Variants in FRY observed in about 807,000 individuals in gnomAD.
The protein encoded by FRY is FRY microtubule binding protein, also known as protein furry homolog.
Under a neutral mutation model 348.4 loss-of-function variants are expected in FRY, and 128 were observed. The observed-to-expected ratio is 0.37, with a 90% CI of 0.32 to 0.43. FRY has a LOEUF of 0.43. FRY is among the 20% of genes least tolerant of loss of function. FRY has a pLI of 1.00. For synonymous variants in FRY, 1,370 were observed against 1,374.7 expected, an observed-to-expected ratio of 1.00 and a Z score of 0.08; for missense variants, 2,736 against 3,695.2, an observed-to-expected ratio of 0.74 and a Z score of 6.73.
chr13:32,230,976 A>G (rs1281988689), intron 40 of FRY, among the ~76,000 whole-genome samples: 1 of 152,028 alleles, frequency 6.6e-6, no homozygotes, highest in Non-Finnish European at 1.5e-5. Flanking sequence ...GTGTCTGTTC[A>G]TGTCCTTTGC....
At chr13:32,038,510 C>T (rs1872631739) in intron 1 of FRY, 3 of 152,190 alleles carry the variant, frequency 2.0e-5, no homozygotes, top group Admixed American at 6.5e-5. Flanking sequence ...TTCCTGGAAA[C>T]GCGAATGGCA....
At position 32,294,352 on chromosome 13, in the gene FRY, A is replaced by AT. The variant is rs201272942; in HGVS notation, c.8581-7dup. On this transcript the variant is annotated splice_polypyrimidine_tract_variant and intron_variant, in intron 59 of 60. Coordinates refer to ENST00000542859, the MANE Select transcript of FRY (RefSeq NM_023037.3). ...AGCACCTAAATATAGTTTAAAAAAC[A>AT]TTTTTTTTTAAATAGCTGCTGAATA... The AT allele has an allele frequency of 2.7e-4, 427 of 1,578,536 alleles. 2 individuals carry two copies. The highest frequency in any genetic ancestry group is 2.1e-3 in the African/African-American group (156 of 74,130).
intron 54 of FRY, among the ~76,000 whole-genome samples, chr13:32,266,861 G>A (rs575060223): frequency 6.6e-6 from 1 of 152,206 alleles, no homozygotes; most frequent in Non-Finnish European, 1.5e-5. Flanking sequence ...GCACACGCCT[G>A]TAGTCCCAGT....
At chr13:32,193,352 C>T (rs1452850524) in intron 28 of FRY, among the ~76,000 whole-genome samples, 3 of 151,608 alleles carry the variant, frequency 2.0e-5, no homozygotes, top group Non-Finnish European at 4.4e-5. Context: ...TAGGAATAGA[C>T]ATTGATACAC....
At chr13:32,086,645 C>T (rs1875881689) in intron 2 of FRY, among the ~76,000 whole-genome samples, 1 of 152,074 alleles carries the variant, frequency 6.6e-6, no homozygotes, top group African/African-American at 2.4e-5. Flanking sequence ...AAAAGAAATT[C>T]TAACTTGCCT....
At chr13:32,122,421 G>A (rs140209526) in intron 4 of FRY, among the ~76,000 whole-genome samples, 106 of 148,862 alleles carry the variant, frequency 7.1e-4, no homozygotes, top group African/African-American at 2.4e-3. Flanking sequence ...CAGCCTGGAC[G>A]ACAGAGTGAG....
At chr13:32,179,602 G>T in intron 22 of FRY, 73 bp from the exon 23 acceptor site, 2 of 1,428,578 alleles carry the variant, frequency 1.4e-6, no homozygotes, top group East Asian at 2.5e-5. Flanking sequence ...TGTTATAATG[G>T]GATCATCCTT....
At chr13:32,201,514 T>C (rs1696697953) in intron 29 of FRY, among the ~76,000 whole-genome samples, 1 of 152,272 alleles carries the variant, frequency 6.6e-6, no homozygotes, top group African/African-American at 2.4e-5. Context: ...GATAGTTGTT[T>C]GGCACTTAAT....
chr13:32,173,416 A>T lies in FRY; in HGVS notation c.2201A>T (p.His734Leu). 2 of 1,612,566 alleles carry T rather than the reference A, an allele frequency of 1.2e-6. No individual in the cohort carries two copies. The highest frequency in any genetic ancestry group is 1.7e-6 in the Non-Finnish European group (2 of 1,179,806). Residue 734 changes from histidine (H) to leucine (L), a missense_variant, in exon 19 of 61, where the codon CAC becomes CTC. Physicochemically the swap from His to Leu is moderately conservative, Grantham distance 99. Coordinates refer to ENST00000542859, the MANE Select transcript of FRY (RefSeq NM_023037.3). ...AGAATTCAGTCGGAACGAGGTCCCC[A>T]CTGCAGTGTACTCCACGCTGTAGAA... ...SHRIQSERGP[H>L]CSVLHAVEGF... is the part of the protein sequence containing the mutation.
At position 32,136,924 on chromosome 13, in the gene FRY, C is replaced by T; in HGVS notation, c.1131C>T (p.Phe377=). The change falls in exon 11 of 61, where the codon TTC becomes TTT. Residue 377 remains phenylalanine (F), a synonymous_variant. Coordinates refer to ENST00000542859, the MANE Select transcript of FRY (RefSeq NM_023037.3). ...TCTGTGTCAGTCAGAAGCAGCTGTT[C>T]CTGAACAGGTGGCACATTTTCCTCA... ...CLLCVSQKQL[F]LNRWHIFLNN... 1 of 1,611,070 alleles carries T rather than the reference C, an allele frequency of 6.2e-7. No homozygotes were observed. The highest frequency in any genetic ancestry group is 1.7e-5 in the Admixed American group (1 of 60,018).
chr13:32,247,667 C>T (rs1400766235), intron 48 of FRY, among the ~76,000 whole-genome samples, 165 bp downstream of exon 48: 1 of 152,166 alleles, frequency 6.6e-6, no homozygotes, highest in Non-Finnish European at 1.5e-5. Flanking sequence ...CATTGAGTGT[C>T]ATATTCACTG....
chr13:32,192,255 A>T lies in FRY; in HGVS notation c.3592-1888A>T, dbSNP rs143545644. The stretch of plus-strand genomic sequence containing the variant: ...AAGCTTGATTCTTCTCTCAAGTCTA[A>T]CTTTTTAATGACTTTTTTTGTTTTG... On this transcript the variant is annotated intron_variant, in intron 28 of 60. Transcript: ENST00000542859. Among the ~76,000 whole-genome samples the T allele has an allele frequency of 2.4e-3, 319 of 132,380 alleles. 4 individuals carry two copies. The highest frequency in any genetic ancestry group is 8.6e-3 in the African/African-American group (313 of 36,314). The allele number at this position is 132,380 out of a possible 152,430, so 86.8% of individuals were successfully genotyped here. A position where few individuals can be genotyped will look rare whatever the true frequency, so the allele number is the denominator to read the frequency against.
chr13:32,236,095 G>A lies in FRY; in HGVS notation c.5733G>A (p.Ala1911=), dbSNP rs191918881. Residue 1911 remains alanine, a synonymous_variant, in exon 43 of 61, where the codon GCG becomes GCA. Coordinates refer to ENST00000542859, the MANE Select transcript of FRY (RefSeq NM_023037.3). ...TTTGGCAGGGTTATGTAATGGAAGC[G>A]CTCCTAACCTTGGAGGCGGCTGTGG... The part of the protein sequence containing the change: ...GDEIQGYVME[A]LLTLEAAVDN... 451 of 1,613,154 alleles carry A rather than the reference G, an allele frequency of 2.8e-4. No individual in the cohort carries two copies. In the African/African-American group the frequency reaches 3.4e-3, roughly 12 times the overall value.
rs760274050 is a variant in FRY at position 32,237,850 on chromosome 13, G to A, written c.6282G>A (p.Trp2094Ter). The A allele has an allele frequency of 6.2e-7, 1 of 1,614,094 alleles. No individual in the cohort carries two copies. Among genetic ancestry groups the A allele is most frequent in the Non-Finnish European group, 8.5e-7 (1 of 1,180,028 alleles). The change falls in exon 44 of 61, where the codon TGG (tryptophan) becomes TGA (stop). Residue 2094 changes from tryptophan to a stop codon, truncating the protein, a stop_gained. Coordinates refer to ENST00000542859, the MANE Select transcript of FRY (RefSeq NM_023037.3). LOFTEE classifies it high-confidence loss of function. This position sits in a 1 kb window ranked among gnomAD's most constrained non-coding sequence, Gnocchi z 6.3. ...KLEKLQAQLK[W>*]ADFSGLQQLL... Reference sequence around the variant, plus strand: ...AGAAACTCCAGGCACAGCTGAAGTGGGCCGACTTCTCCGGGCTGCAGCAGC... The same window carrying A: ...AGAAACTCCAGGCACAGCTGAAGTGAGCCGACTTCTCCGGGCTGCAGCAGC...
intron 21 of FRY, 61 bp from the exon 22 acceptor site, chr13:32,178,783 A>G (rs1882522391): frequency 1.1e-5 from 12 of 1,104,292 alleles, no homozygotes; most frequent in Non-Finnish European, 1.7e-5. Flanking sequence ...TCTTTATTTA[A>G]TAAGTGATAT....
At chr13:32,078,145 T>C (rs752036954) in intron 1 of FRY, among the ~76,000 whole-genome samples, 1 of 152,230 alleles carries the variant, frequency 6.6e-6, no homozygotes, top group Non-Finnish European at 1.5e-5. Context: ...GGAGCTTTAA[T>C]AGCTGACTCT....
intron 1 of FRY, among the ~76,000 whole-genome samples, chr13:32,073,345 T>A (rs550591086): frequency 1.3e-5 from 2 of 152,364 alleles, no homozygotes; most frequent in Non-Finnish European, 2.9e-5. Context: ...CCGAGCCATG[T>A]GTGCCTGGAT....
At position 32,239,837 on chromosome 13, in the gene FRY, G is replaced by A. The variant is rs774209906; in HGVS notation, c.6643G>A (p.Ala2215Thr). The change falls in exon 46 of 61, where the codon GCA becomes ACA. Residue 2215 changes from alanine (A) to threonine (T), a missense_variant. This residue lies in a region of FRY where 789 missense variants were observed against 996.2 expected (regional missense o/e 0.79). Coordinates refer to ENST00000542859, the MANE Select transcript of FRY (RefSeq NM_023037.3). The surrounding 1 kb of genome is among the most constrained non-coding windows in gnomAD (Gnocchi z 4.3). ...TGTGGTCTGTCGATACCTTCATGAA[G>A]CATATGCTGACATTACCTTGAATAT... The part of the protein sequence containing the change: ...VNVVCRYLHE[A>T]YADITLNMVT... 8.7e-6 allele frequency: 14 copies of A among 1,614,116 alleles called. No homozygotes were observed. The highest frequency in any genetic ancestry group is 1.0e-5 in the Non-Finnish European group (12 of 1,180,012).
intron 58 of FRY, 165 bp downstream of exon 58, chr13:32,278,713 T>G (rs1888666645): frequency 1.4e-6 from 1 of 731,328 alleles, no homozygotes; most frequent in African/African-American, 1.7e-5. Flanking sequence ...CCAGCATGAC[T>G]GTGTGTTGAT....
Sources: gnomAD v4.1 joint callset for allele counts (sites outside exome capture counted in the v4.1 genomes callset) on GRCh38, gnomAD v4.1.1 for gene constraint, gnomAD v4.1.1 regional missense constraint, Gnocchi (gnomAD v3.1) non-coding constraint, MANE v1.5 for transcripts, NCBI Gene and HGNC (gene_info 2026-07-23, HGNC 2026-07-21) for gene names.